Variants in IPP observed in about 807,000 individuals in gnomAD.
IPP encodes intracisternal A particle-promoted polypeptide.
IPP carries 41 observed loss-of-function variants against 64.1 expected under a neutral mutation model. The ratio of observed to expected loss-of-function variants is 0.64; its 90% CI spans 0.50 to 0.83. The LOEUF (loss-of-function observed/expected upper bound fraction) is 0.83, where lower values mean the gene tolerates loss of function less well. IPP is among the 40% of genes least tolerant of loss of function. The probability of loss-of-function intolerance (pLI) is 0.00; values close to 1 mark genes in which losing one functional copy is unlikely to be tolerated. For synonymous variants in IPP, 214 were observed against 235.2 expected (o/e 0.91, Z 0.83); for missense variants, 649 against 703.0 (o/e 0.92, Z 0.87).
At position 45,698,722 on chromosome 1, in the gene IPP, T is replaced by TC. The variant is rs1553187491; in HGVS notation, c.*1243_*1244insG. ...AAAAGGAAGAATTTTTTTTTCTTTT[T>TC]TTTTTTTTTTTTTTGAGACAGGTTC... On this transcript the variant is annotated 3_prime_UTR_variant, in exon 9 of 9. Transcript: ENST00000396478. The TC allele has an allele frequency of 1.4e-4, 40 of 283,856 alleles. No individual in the cohort carries two copies. The East Asian group carries it at 1.7e-3, about 12-fold the overall frequency. 17.6% of individuals were successfully genotyped at this position (283,856 alleles called of 1,614,324 possible).
At chr1:45,724,906 G>A (rs1390725852) in intron 5 of IPP, among the ~76,000 whole-genome samples, 3 of 141,296 alleles carry the variant, frequency 2.1e-5, no homozygotes, top group Non-Finnish European at 3.1e-5. Context: ...TCAGCCCCCC[G>A]CCCGGCCAGC....
chr1:45,717,123 A>G (rs1293992531), intron 6 of IPP, 106 bp from the exon 7 acceptor site: 2 of 1,044,150 alleles, frequency 1.9e-6, no homozygotes, highest in Admixed American at 5.0e-5. Flanking sequence ...TAGATATCAC[A>G]TGAGCCAAAG....
At chr1:45,721,871 C>A (rs1272881727) in intron 5 of IPP, among the ~76,000 whole-genome samples, 2 of 152,170 alleles carry the variant, frequency 1.3e-5, no homozygotes, top group Middle Eastern at 3.4e-3. Context: ...ACCAGCCTGA[C>A]CAGCCTGACC....
Position 45,746,513 on chromosome 1 carries a change from T to C in IPP, c.-50-52A>G, listed in dbSNP as rs1291618799. On this transcript the variant is annotated intron_variant, in intron 1 of 8. Transcript: ENST00000396478. Reference sequence around the variant, plus strand: ...AGCAACAAAATTTTTTTAACATGCTTTCTATTCACACATAAGAAGCATTCT... The same window carrying C: ...AGCAACAAAATTTTTTTAACATGCTCTCTATTCACACATAAGAAGCATTCT... 5.2e-6 allele frequency: 4 copies of C among 768,210 alleles called. No homozygotes were observed. In the African/African-American group the frequency reaches 7.0e-5, roughly 13 times the overall value. The allele number at this position is 768,210 out of a possible 1,614,324, so 47.6% of individuals were successfully genotyped here.
intron 6 of IPP, among the ~76,000 whole-genome samples, chr1:45,717,616 A>G (rs1467030945): frequency 6.6e-6 from 1 of 151,594 alleles, no homozygotes; most frequent in Non-Finnish European, 1.5e-5. Flanking sequence ...GGTTCATGCC[A>G]TTCTCCTGCC....
At chr1:45,737,491 G>T (rs895079090) in intron 3 of IPP, among the ~76,000 whole-genome samples, 2 of 138,452 alleles carry the variant, frequency 1.4e-5, no homozygotes, top group African/African-American at 5.4e-5. Flanking sequence ...GACAGGGTCT[G>T]GCTCTGCCAC....
intron 5 of IPP, 87 bp downstream of exon 5, chr1:45,727,544 A>G (rs1645846012): frequency 3.3e-6 from 2 of 609,702 alleles, no homozygotes; most frequent in Non-Finnish European, 4.9e-6. Context: ...AGATATATGT[A>G]TATCACATAG....
intron 3 of IPP, among the ~76,000 whole-genome samples, chr1:45,738,446 A>G (rs969319859): frequency 2.0e-5 from 3 of 152,084 alleles, no homozygotes; most frequent in African/African-American, 7.2e-5. Context: ...GAAAATACCT[A>G]TGTTAGATAG....
Position 45,699,689 on chromosome 1 carries a change from A to T in IPP, c.*277T>A. On this transcript the variant is annotated 3_prime_UTR_variant, in exon 9 of 9. Coordinates refer to ENST00000396478, the MANE Select transcript of IPP (RefSeq NM_005897.3). ...TTATTTTTTTTCTTTAAGAGACAGGATCTCATTCTGTTGCCCAGAGTGGAG... is the reference window on the plus strand; with the variant it reads ...TTATTTTTTTTCTTTAAGAGACAGGTTCTCATTCTGTTGCCCAGAGTGGAG... 1 of 1,129,438 alleles carries T rather than the reference A, an allele frequency of 8.9e-7. No homozygotes were observed. Among genetic ancestry groups the T allele is most frequent in the Non-Finnish European group, 1.1e-6 (1 of 902,970 alleles). The allele number at this position is 1,129,438 out of a possible 1,614,324, so 70.0% of individuals were successfully genotyped here.
At chr1:45,724,391 C>G (rs1484403252) in intron 5 of IPP, among the ~76,000 whole-genome samples, 1 of 148,868 alleles carries the variant, frequency 6.7e-6, no homozygotes, top group Non-Finnish European at 1.5e-5. Flanking sequence ...AGCCTCTGCC[C>G]GGCCGCCACC....
chr1:45,746,920 T>A (rs1204057536), intron 1 of IPP, among the ~76,000 whole-genome samples: 1 of 152,218 alleles, frequency 6.6e-6, no homozygotes, highest in Non-Finnish European at 1.5e-5. Context: ...ATTCTTGTTA[T>A]AATTTAAGAC....
chr1:45,713,205 A>C (rs1166860867), intron 8 of IPP, among the ~76,000 whole-genome samples: 1 of 152,130 alleles, frequency 6.6e-6, no homozygotes, highest in Non-Finnish European at 1.5e-5. Flanking sequence ...AGGCAGGAGA[A>C]TCGCTTAAGA....
At chr1:45,702,018 G>A (rs1300201585) in intron 8 of IPP, among the ~76,000 whole-genome samples, 1 of 152,134 alleles carries the variant, frequency 6.6e-6, no homozygotes, top group Non-Finnish European at 1.5e-5. Context: ...TGACACAACT[G>A]AAAAATACTT....
rs556390393 is a variant in IPP, at chr1:45,748,535, T to C, written c.-51+2062A>G. On this transcript the variant is annotated intron_variant, in intron 1 of 8. Transcript: ENST00000396478. ...ATACAAAAAAATTAGCCAGGCATGA[T>C]AGCACAGGCCTGTAGTCCCAGCTAC... Among the ~76,000 whole-genome samples, 68 of 152,082 alleles carry C rather than the reference T, an allele frequency of 4.5e-4. No individual in the cohort carries two copies. The Middle Eastern group carries it at 0.02, about 46-fold the overall frequency.
At chr1:45,722,893 T>G (rs1375351783) in intron 5 of IPP, among the ~76,000 whole-genome samples, 3 of 152,258 alleles carry the variant, frequency 2.0e-5, no homozygotes, top group Non-Finnish European at 2.9e-5. Flanking sequence ...ATTATATGAT[T>G]CCATTTATAT....
Position 45,746,407 on chromosome 1 carries a change from G to T in IPP, c.5C>A (p.Ala2Asp). The T allele has an allele frequency of 6.2e-7, 1 of 1,604,296 alleles. No homozygotes were observed. The highest frequency in any genetic ancestry group is 2.2e-5 in the East Asian group (1 of 44,650). Residue 2 changes from alanine to aspartate, a missense_variant, in exon 2 of 9, where the codon GCT becomes GAT. Transcript: ENST00000396478. ...AGCAGCCTTGGGACAGTCCTCATTA[G>T]CCATGATGACGGTAGATTAATTAAA... is the stretch of plus-strand genomic sequence containing the variant. MANEDCPKAADS... is the reference protein window; with the variant it reads MDNEDCPKAADS...
chr1:45,720,904 T>G (rs28890893), intron 5 of IPP, among the ~76,000 whole-genome samples: 42,754 of 151,984 alleles, frequency 0.28, 6,148 homozygotes, highest in South Asian at 0.36. Context: ...AATGAAGGTA[T>G]AGGTCCTTAT....
At chr1:45,698,339 C>A (rs1157050044), downstream of IPP, among the ~76,000 whole-genome samples, 1 of 152,112 alleles carries the variant, frequency 6.6e-6, no homozygotes, top group African/African-American at 2.4e-5. Context: ...ATATATATTG[C>A]TCCAACTGGC....
intron 8 of IPP, among the ~76,000 whole-genome samples, chr1:45,707,815 A>G (rs1557739173): frequency 6.6e-6 from 1 of 152,176 alleles, no homozygotes; most frequent in African/African-American, 2.4e-5. Context: ...AAAACATTCC[A>G]ACTTGATTAA....
Sources: gnomAD v4.1 joint callset for allele counts (sites outside exome capture counted in the v4.1 genomes callset) on GRCh38, gnomAD v4.1.1 for gene constraint, MANE v1.5 for transcripts, NCBI Gene and HGNC (gene_info 2026-07-23, HGNC 2026-07-21) for gene names.